Variants in SLC2A13 observed in about 807,000 individuals in gnomAD.
The protein encoded by SLC2A13 is proton myo-inositol cotransporter.
Under a neutral mutation model 64.4 loss-of-function variants are expected in SLC2A13, and 32 were observed. That is an observed-to-expected ratio of 0.50 (90% confidence interval 0.37 to 0.67). The LOEUF (loss-of-function observed/expected upper bound fraction) is 0.67, where lower values mean the gene tolerates loss of function less well. Among genes scored for constraint, SLC2A13 ranks in the 30% least tolerant of loss-of-function variants. The pLI, the probability that SLC2A13 is intolerant of heterozygous loss-of-function variation, is 0.00. For synonymous variants in SLC2A13, 338 were observed against 327.1 expected (o/e 1.03, Z -0.36); for missense variants, 743 against 829.2 (o/e 0.90, Z 1.28).
chr12:39,857,517 G>C (rs550454581), intron 6 of SLC2A13, among the ~76,000 whole-genome samples: 1 of 152,140 alleles, frequency 6.6e-6, no homozygotes, highest in Non-Finnish European at 1.5e-5. Context: ...TCAAGGTTGC[G>C]TTATTTCTTG....
chr12:39,790,542 C>T (rs10877441), intron 7 of SLC2A13, among the ~76,000 whole-genome samples: 136,792 of 144,502 alleles, frequency 0.95, 64,833 homozygotes, highest in East Asian at 0.99. Flanking sequence ...CTACAAAGGA[C>T]ATGAACTCAT....
chr12:39,899,352 C>G (rs1945020412), intron 4 of SLC2A13, among the ~76,000 whole-genome samples: 1 of 152,090 alleles, frequency 6.6e-6, no homozygotes, highest in African/African-American at 2.4e-5. Context: ...TTTATTGCAT[C>G]TATTTGATTC....
At position 39,845,812 on chromosome 12, in the gene SLC2A13, T is replaced by C. The variant is rs1482209241; in HGVS notation, c.1320-15584A>G. On this transcript the variant is annotated intron_variant, in intron 6 of 9. Coordinates refer to ENST00000280871, the MANE Select transcript of SLC2A13 (RefSeq NM_052885.4). ...ATGAAACCAATAGGAATTAGGGAAGTGGTGTTGGGGTGGGTCAAAATACCA... is the reference window on the plus strand; with the variant it reads ...ATGAAACCAATAGGAATTAGGGAAGCGGTGTTGGGGTGGGTCAAAATACCA... Among the ~76,000 whole-genome samples the C allele has an allele frequency of 2.0e-5, 3 of 152,058 alleles. No individual in the cohort carries two copies. In the East Asian group the frequency reaches 5.8e-4, roughly 29 times the overall value.
chr12:39,851,582 T>A (rs1488612785), intron 6 of SLC2A13, among the ~76,000 whole-genome samples: 1 of 152,172 alleles, frequency 6.6e-6, no homozygotes, highest in African/African-American at 2.4e-5. Flanking sequence ...AACATTATCA[T>A]CCATGCTAAA....
At chr12:39,958,784 C>T (rs969358000) in intron 3 of SLC2A13, among the ~76,000 whole-genome samples, 10 of 152,068 alleles carry the variant, frequency 6.6e-5, no homozygotes, top group African/African-American at 2.4e-4. Context: ...TTGTCTCTTA[C>T]AATGTTCCTT....
At chr12:40,062,206 G>C (rs2136254264) in intron 1 of SLC2A13, among the ~76,000 whole-genome samples, 1 of 152,166 alleles carries the variant, frequency 6.6e-6, no homozygotes, top group Middle Eastern at 3.4e-3. Flanking sequence ...AGCTTATTAA[G>C]TTTTTAAGAG....
At chr12:39,885,336 G>A (rs1293029059) in intron 4 of SLC2A13, among the ~76,000 whole-genome samples, 1 of 152,172 alleles carries the variant, frequency 6.6e-6, no homozygotes, top group African/African-American at 2.4e-5. Context: ...CAGAGAGTAG[G>A]TGAAACAGAA....
intron 1 of SLC2A13, among the ~76,000 whole-genome samples, chr12:40,100,456 C>T (rs1358410474): frequency 6.6e-6 from 1 of 152,198 alleles, no homozygotes; most frequent in Non-Finnish European, 1.5e-5. Flanking sequence ...ATAGTGTTAA[C>T]AGTACTATGC....
intron 4 of SLC2A13, among the ~76,000 whole-genome samples, chr12:39,919,634 A>T (rs1407340254): frequency 1.3e-5 from 2 of 152,044 alleles, no homozygotes; most frequent in Admixed American, 6.6e-5. Flanking sequence ...GATGTTTTAG[A>T]CCAGTGTATA....
intron 7 of SLC2A13, among the ~76,000 whole-genome samples, chr12:39,798,596 G>A (rs913880369): frequency 1.3e-5 from 2 of 152,184 alleles, no homozygotes; most frequent in African/African-American, 4.8e-5. Context: ...CTTCTGTCCT[G>A]AGCAGGCCCT....
intron 7 of SLC2A13, among the ~76,000 whole-genome samples, chr12:39,814,009 A>G (rs1555240123): frequency 6.6e-6 from 1 of 152,208 alleles, no homozygotes; most frequent in Non-Finnish European, 1.5e-5. Flanking sequence ...TACTTCATCT[A>G]TATTGTATTG....
chr12:40,002,778 G>T (rs1182124574), intron 3 of SLC2A13, among the ~76,000 whole-genome samples: 2 of 151,824 alleles, frequency 1.3e-5, no homozygotes, highest in South Asian at 2.1e-4. Flanking sequence ...ATAGGCTAAG[G>T]TTACAAAAAT....
Position 39,798,959 on chromosome 12 carries a change from A to G in SLC2A13, c.1445+31144T>C, listed in dbSNP as rs147422222. On this transcript the variant is annotated intron_variant, in intron 7 of 9. Transcript: ENST00000280871. ...AATTTGTAAATTGTCTCCAAAATAA[A>G]TTAGAGTAACAAAACAAAGGTGTTG... is the stretch of plus-strand genomic sequence containing the variant. Among the ~76,000 whole-genome samples the G allele has an allele frequency of 3.3e-3, 497 of 151,918 alleles. 2 individuals are homozygous for G. Among genetic ancestry groups the G allele is most frequent in the African/African-American group, 0.011 (475 of 41,506 alleles).
intron 4 of SLC2A13, among the ~76,000 whole-genome samples, chr12:39,876,621 C>A (rs1237195328): frequency 1.3e-5 from 2 of 152,088 alleles, no homozygotes; most frequent in South Asian, 4.2e-4. Context: ...TATATGAAAA[C>A]CTTAGTGACA....
intron 4 of SLC2A13, among the ~76,000 whole-genome samples, chr12:39,896,621 T>C (rs1432096230): frequency 6.6e-6 from 1 of 151,542 alleles, no homozygotes; most frequent in East Asian, 1.9e-4. Context: ...TGTTTATATG[T>C]AAATTACATA....
chr12:39,909,829 G>A (rs17127259), intron 4 of SLC2A13, among the ~76,000 whole-genome samples: 14,324 of 149,386 alleles, frequency 0.096, 835 homozygotes, highest in East Asian at 0.24. Flanking sequence ...TGAGTTATCC[G>A]TTTTCTTTTC....
intron 6 of SLC2A13, among the ~76,000 whole-genome samples, chr12:39,839,633 C>T (rs1279059966): frequency 6.6e-6 from 1 of 152,006 alleles, no homozygotes; most frequent in Non-Finnish European, 1.5e-5. Context: ...TTTGTTTCTC[C>T]CACCTCTCAG....
chr12:40,033,331 G>T (rs1239459930), intron 2 of SLC2A13, among the ~76,000 whole-genome samples: 2 of 152,184 alleles, frequency 1.3e-5, no homozygotes, highest in Non-Finnish European at 1.5e-5. Context: ...GAATTCAGAG[G>T]TTCCCTTTGG....
chr12:39,918,425 C>A (rs1945557217), intron 4 of SLC2A13, among the ~76,000 whole-genome samples: 4 of 149,830 alleles, frequency 2.7e-5, no homozygotes, highest in African/African-American at 7.4e-5. Context: ...GGCAAGAGAT[C>A]CAGGGAAATT....
Sources: allele counts gnomAD v4.1 joint callset (sites outside exome capture counted in the v4.1 genomes callset), GRCh38; gene constraint gnomAD v4.1.1; transcripts MANE v1.5; gene names NCBI Gene and HGNC (gene_info 2026-07-23, HGNC 2026-07-21).